The following MALT1 variants were observed in gnomAD, a reference collection of about 807,000 sequenced individuals.
The protein encoded by MALT1 is MALT1 paracaspase, also known as mucosa-associated lymphoid tissue lymphoma translocation protein 1.
Under a neutral mutation model 85.5 loss-of-function variants are expected in MALT1, and 36 were observed. The observed-to-expected ratio is 0.42, with a 90% confidence interval of 0.32 to 0.56. MALT1 has a LOEUF of 0.56. MALT1 is among the 20% of genes least tolerant of loss of function. The pLI, the probability that MALT1 is intolerant of heterozygous loss-of-function variation, is 0.10. For synonymous variants in MALT1, 359 were observed against 361.3 expected, an observed-to-expected ratio of 0.99 and a Z score of 0.07; for missense variants, 716 against 981.6, an observed-to-expected ratio of 0.73 and a Z score of 3.62.
intron 7 of MALT1, among the ~76,000 whole-genome samples, chr18:58,712,662 T>C (rs1602312924): frequency 6.6e-6 from 1 of 152,120 alleles, no homozygotes; most frequent in East Asian, 1.9e-4. Flanking sequence ...ACCATGTCTC[T>C]CAAAATAGCT....
chr18:58,673,943 A>C (rs1214438595), intron 1 of MALT1: 1 of 119,598 alleles, frequency 8.4e-6, no homozygotes, highest in Non-Finnish European at 1.8e-5. Context: ...TTGGATATGC[A>C]AAAAAAACAA....
Position 58,671,733 on chromosome 18 carries a change from C to T in MALT1, c.90C>T (p.Leu30=). Residue 30 remains leucine, a synonymous_variant, in exon 1 of 17, where the codon CTC becomes CTT. Transcript: ENST00000649217. The part of the protein sequence containing the change: ...PLLAPPAGAT[L]NRLREPLLRR... ...TCGCCCCTCCGGCCGGCGCGACCCT[C>T]AACCGCCTGCGGGAGCCGCTGCTGC... 7.8e-7 allele frequency: 1 copy of T among 1,279,712 alleles called. No individual in the cohort carries two copies. The highest frequency in any genetic ancestry group is 9.9e-7 in the Non-Finnish European group (1 of 1,013,324). The allele number at this position is 1,279,712 out of a possible 1,614,324, so 79.3% of individuals were successfully genotyped here.
intron 1 of MALT1, among the ~76,000 whole-genome samples, chr18:58,677,431 G>C (rs887450886): frequency 1.3e-5 from 2 of 151,994 alleles, no homozygotes; most frequent in Admixed American, 1.3e-4. Context: ...ATTATATTTA[G>C]CATACAGCAT....
chr18:58,703,583 A>G (rs945716869), intron 4 of MALT1, among the ~76,000 whole-genome samples: 1 of 152,120 alleles, frequency 6.6e-6, no homozygotes, highest in African/African-American at 2.4e-5. Context: ...TGGTGGCAGG[A>G]GGGAGAGAGA....
chr18:58,746,422 T>C (rs1178371851), intron 16 of MALT1, among the ~76,000 whole-genome samples: 1 of 152,222 alleles, frequency 6.6e-6, no homozygotes, highest in Non-Finnish European at 1.5e-5. Flanking sequence ...TTTTTATTTC[T>C]AGTTGACTTA....
Position 58,741,853 on chromosome 18 carries a change from CAT to C in MALT1, c.1604-9_1604-8del. ...TGGTCTTAAAAATAATATTTATTTT[CAT>C]ATCTTTTAGATATGGGTAAGTGTCA... On this transcript the variant is annotated splice_polypyrimidine_tract_variant and intron_variant, in intron 13 of 16. Coordinates refer to ENST00000649217, the MANE Select transcript of MALT1 (RefSeq NM_006785.4). The C allele has an allele frequency of 6.9e-7, 1 of 1,448,036 alleles. No homozygotes were observed. The highest frequency in any genetic ancestry group is 9.3e-7 in the Non-Finnish European group (1 of 1,071,866). The allele number at this position is 1,448,036 out of a possible 1,614,324, so 89.7% of individuals were successfully genotyped here. A position where few individuals can be genotyped will look rare whatever the true frequency, so the allele number is the denominator to read the frequency against.
chr18:58,747,858 AAGTT>A lies in MALT1; in HGVS notation c.*19_*22del, dbSNP rs775868941. Reference sequence around the variant, plus strand: ...TGAAAAATGACCTCCTTGTTTTTGAAAGTTAGCATAATTTTAGATGCCTGTGAAA... The same window carrying A: ...TGAAAAATGACCTCCTTGTTTTTGAAAGCATAATTTTAGATGCCTGTGAAA... On this transcript the variant is annotated 3_prime_UTR_variant, in exon 17 of 17. Coordinates refer to ENST00000649217, the MANE Select transcript of MALT1 (RefSeq NM_006785.4). 4 of 1,599,930 alleles carry A rather than the reference AAGTT, an allele frequency of 2.5e-6. No homozygotes were observed. The Admixed American group carries it at 6.7e-5, about 27-fold the overall frequency.
rs1436236551 is a variant in MALT1 at position 58,710,948 on chromosome 18, C to CT, written c.954dup (p.Glu319Ter). On this transcript the variant is annotated frameshift_variant, in exon 7 of 17. Coordinates refer to ENST00000649217, the MANE Select transcript of MALT1 (RefSeq NM_006785.4). LOFTEE classifies it high-confidence loss of function. The stretch of plus-strand genomic sequence containing the variant: ...AGAACAGATGAGGCAGTGGAGTGCA[C>CT]TGAAGGTAGTGTAAGTCTTTGGTTT... 1 of 1,572,902 alleles carries CT rather than the reference C, an allele frequency of 6.4e-7. No homozygotes were observed. Among genetic ancestry groups the CT allele is most frequent in the African/African-American group, 1.4e-5 (1 of 72,354 alleles).
At chr18:58,710,421 C>T (rs1568139280) in intron 6 of MALT1, among the ~76,000 whole-genome samples, 1 of 152,150 alleles carries the variant, frequency 6.6e-6, no homozygotes, top group African/African-American at 2.4e-5. Context: ...CAGTGGCTCA[C>T]ACCTGTAATC....
intron 13 of MALT1, among the ~76,000 whole-genome samples, chr18:58,739,220 CA>C (rs960831836): frequency 6.6e-6 from 1 of 151,918 alleles, no homozygotes; most frequent in Non-Finnish European, 1.5e-5. Flanking sequence ...TTTAATTTGC[CA>C]TCATTCTGTT....
chr18:58,681,163 C>T lies in MALT1; in HGVS notation c.210-7C>T, dbSNP rs768986231. Reference sequence around the variant, plus strand: ...CTGTTGACTTGAATTCTTTCTGTTGCTTTCAGTTGCCTAGACCTGGAGCAG... The same window carrying T: ...CTGTTGACTTGAATTCTTTCTGTTGTTTTCAGTTGCCTAGACCTGGAGCAG... On this transcript the variant is annotated splice_region_variant and splice_polypyrimidine_tract_variant and intron_variant, in intron 1 of 16. Transcript: ENST00000649217. 30 of 1,611,048 alleles carry T rather than the reference C, an allele frequency of 1.9e-5. No individual in the cohort carries two copies. The highest frequency in any genetic ancestry group is 2.3e-5 in the Non-Finnish European group (27 of 1,179,046).
In MALT1 at chr18:58,710,071, A is replaced by G. The variant is rs936778827; in HGVS notation, c.924A>G (p.Ile308Met). The G allele has an allele frequency of 1.3e-6, 2 of 1,591,718 alleles. No homozygotes were observed. The highest frequency in any genetic ancestry group is 1.3e-5 in the African/African-American group (1 of 74,570). ...SQDSKKVEII[I>M]GRTDEAVECT... is the part of the protein sequence containing the mutation. Reference sequence around the variant, plus strand: ...ATAGCAAGAAGGTAGAAATCATCATAGGTAAGAAGTATTTCCCCAGTGTTC... The same window carrying G: ...ATAGCAAGAAGGTAGAAATCATCATGGGTAAGAAGTATTTCCCCAGTGTTC... Residue 308 changes from isoleucine (I) to methionine (M), a missense_variant and splice_region_variant, in exon 6 of 17, where the codon ATA (isoleucine) becomes ATG (methionine). Ile to Met is a conservative substitution (Grantham distance 10, BLOSUM62 1). Transcript: ENST00000649217.
At chr18:58,724,829 C>T (rs1481059882) in intron 10 of MALT1, among the ~76,000 whole-genome samples, 2 of 151,774 alleles carry the variant, frequency 1.3e-5, no homozygotes, top group African/African-American at 2.4e-5. Context: ...GGCAACATGG[C>T]GAAACCCCAT....
At position 58,714,093 on chromosome 18, in the gene MALT1, TA is replaced by T; in HGVS notation, c.971del (p.Asn324IlefsTer24). 1 of 1,266,938 alleles carries T rather than the reference TA, an allele frequency of 7.9e-7. No homozygotes were observed. Among genetic ancestry groups the T allele is most frequent in the Non-Finnish European group, 1.1e-6 (1 of 886,010 alleles). 78.5% of individuals were successfully genotyped at this position (1,266,938 alleles called of 1,614,324 possible). A position where few individuals can be genotyped will look rare whatever the true frequency, so the allele number is the denominator to read the frequency against. On this transcript the variant is annotated frameshift_variant, in exon 8 of 17. Coordinates refer to ENST00000649217, the MANE Select transcript of MALT1 (RefSeq NM_006785.4). LOFTEE classifies it high-confidence loss of function. ...CTTACTTTGTTTTAGATGAATTAAA[TA>T]ATCTTGGTCATCCTGGTGAGTAATA... ...AVECTEDELNNLGHPDNKEQT... is the reference protein window; with the variant it reads ...AVECTEDELNXLGHPDNKEQT...
At chr18:58,713,895 A>C (rs1232548511) in intron 7 of MALT1, among the ~76,000 whole-genome samples, 188 bp from the exon 8 acceptor site, 3 of 152,228 alleles carry the variant, frequency 2.0e-5, no homozygotes, top group Non-Finnish European at 4.4e-5. Context: ...CTAAATGATA[A>C]GCACAGCAAT....
intron 1 of MALT1, among the ~76,000 whole-genome samples, chr18:58,674,622 A>G (rs956805557): frequency 2.0e-5 from 3 of 152,176 alleles, no homozygotes. Context: ...TCAGCTGGGG[A>G]TGCTTACTCT....
At position 58,671,683 on chromosome 18, in the gene MALT1, T is replaced by C; in HGVS notation, c.40T>C (p.Ser14Pro). The change falls in exon 1 of 17, where the codon TCG becomes CCG. Residue 14 changes from serine to proline, a missense_variant. Coordinates refer to ENST00000649217, the MANE Select transcript of MALT1 (RefSeq NM_006785.4). Reference protein sequence around the residue: ...LGDPLQALPPSAAPTGPLLAP... With the variant: ...LGDPLQALPPPAAPTGPLLAP... Reference sequence around the variant, plus strand: ...GGACCCGCTACAGGCCCTGCCGCCCTCGGCCGCCCCCACGGGGCCGCTGCT... The same window carrying C: ...GGACCCGCTACAGGCCCTGCCGCCCCCGGCCGCCCCCACGGGGCCGCTGCT... The C allele has an allele frequency of 8.0e-7, 1 of 1,248,012 alleles. No individual in the cohort carries two copies. The highest frequency in any genetic ancestry group is 1.0e-6 in the Non-Finnish European group (1 of 997,982). The allele number at this position is 1,248,012 out of a possible 1,614,324, so 77.3% of individuals were successfully genotyped here.
Position 58,733,421 on chromosome 18 carries a change from G to T in MALT1, c.1247G>T (p.Gly416Val). Residue 416 changes from glycine (G) to valine (V), a missense_variant, in exon 11 of 17, where the codon GGT (glycine) becomes GTT (valine). By Grantham distance (109) the Gly-to-Val change is moderately radical (BLOSUM62 -3). This residue lies in a region of MALT1 where 86 missense variants were observed against 212.3 expected (regional missense o/e 0.41). Coordinates refer to ENST00000649217, the MANE Select transcript of MALT1 (RefSeq NM_006785.4). ...VYGLLYYAGH[G>V]YENFGNSFMV... is the part of the protein sequence containing the mutation. Reference sequence around the variant, plus strand: ...GGGTTATTATATTATGCAGGACATGGTTATGAAAATTTTGGGAACAGCTTC... The same window carrying T: ...GGGTTATTATATTATGCAGGACATGTTTATGAAAATTTTGGGAACAGCTTC... 1 of 1,610,766 alleles carries T rather than the reference G, an allele frequency of 6.2e-7. No individual in the cohort carries two copies. Among genetic ancestry groups the T allele is most frequent in the Non-Finnish European group, 8.5e-7 (1 of 1,178,854 alleles).
chr18:58,715,876 C>G, intron 8 of MALT1, 59 bp from the exon 9 acceptor site: 1 of 1,163,184 alleles, frequency 8.6e-7, no homozygotes, highest in South Asian at 1.3e-5. Context: ...TTTCATGTAT[C>G]TTTAACTCTG....
Sources: allele counts gnomAD v4.1 joint callset (sites outside exome capture counted in the v4.1 genomes callset), GRCh38; gene constraint gnomAD v4.1.1; regional missense constraint gnomAD v4.1.1; transcripts MANE v1.5; gene names NCBI Gene and HGNC (gene_info 2026-07-23, HGNC 2026-07-21).